CHST8: variants seen among roughly 807,000 people sequenced by gnomAD.
CHST8 encodes GALNAC-4-ST1.
In CHST8, 10 loss-of-function variants were observed where a neutral mutation model predicts 15.0. The observed-to-expected ratio is 0.67, with a 90% CI of 0.41 to 1.13. The LOEUF is 1.13. CHST8 is among the 50% of genes most tolerant of loss of function. The pLI is 0.00. For synonymous variants in CHST8, 259 were observed against 256.6 expected (o/e 1.01, Z -0.09); for missense variants, 634 against 608.2 (o/e 1.04, Z -0.45).
chr19:33,688,231 G>T (rs1342478113), intron 2 of CHST8, among the ~76,000 whole-genome samples: 1 of 152,344 alleles, frequency 6.6e-6, no homozygotes, highest in East Asian at 1.9e-4. Context: ...TGGCCTTGGG[G>T]TGCCCCCATC....
chr19:33,719,958 G>A (rs1208107454), intron 3 of CHST8, among the ~76,000 whole-genome samples: 1 of 152,102 alleles, frequency 6.6e-6, no homozygotes. Flanking sequence ...AAAGGCTTCA[G>A]GCCACACACA....
intron 3 of CHST8, among the ~76,000 whole-genome samples, chr19:33,705,171 G>T (rs1332751144): frequency 6.6e-6 from 1 of 152,054 alleles, no homozygotes; most frequent in Non-Finnish European, 1.5e-5. Context: ...AGAGGAGGTG[G>T]GTCTCCTGGT....
intron 1 of CHST8, among the ~76,000 whole-genome samples, chr19:33,666,754 G>A (rs1401950907): frequency 1.3e-5 from 2 of 152,150 alleles, no homozygotes; most frequent in Non-Finnish European, 2.9e-5. Flanking sequence ...CCAGGCTGGA[G>A]TGCAGTGGTG....
intron 3 of CHST8, among the ~76,000 whole-genome samples, chr19:33,718,651 G>A (rs910038423): frequency 2.6e-5 from 4 of 152,222 alleles, no homozygotes; most frequent in Non-Finnish European, 4.4e-5. Context: ...TCATTCCTTC[G>A]CTGTCATTAT....
intron 2 of CHST8, among the ~76,000 whole-genome samples, chr19:33,671,685 T>C (rs1429552356): frequency 6.6e-6 from 1 of 152,060 alleles, no homozygotes; most frequent in Admixed American, 6.6e-5. Flanking sequence ...TACTCACCTT[T>C]GGCCTCAAGC....
intron 2 of CHST8, among the ~76,000 whole-genome samples, chr19:33,669,426 A>G (rs1972706215): frequency 6.6e-6 from 1 of 152,248 alleles, no homozygotes; most frequent in African/African-American, 2.4e-5. Context: ...AATTCCAGGC[A>G]GTGAAGCCAA....
chr19:33,686,316 G>T (rs1972979553), intron 2 of CHST8, among the ~76,000 whole-genome samples: 1 of 152,180 alleles, frequency 6.6e-6, no homozygotes, highest in Non-Finnish European at 1.5e-5. Flanking sequence ...TGGCTCCCAG[G>T]CACATGGGTG....
At chr19:33,761,143 C>A (rs529928693) in intron 3 of CHST8, among the ~76,000 whole-genome samples, 1 of 152,174 alleles carries the variant, frequency 6.6e-6, no homozygotes, top group Non-Finnish European at 1.5e-5. Context: ...CCACGCAGTT[C>A]GTTCTTTCCC....
intron 3 of CHST8, among the ~76,000 whole-genome samples, chr19:33,759,772 G>A (rs74324067): frequency 0.021 from 3,160 of 152,314 alleles, 52 homozygotes; most frequent in Non-Finnish European, 0.027. Context: ...AGAAGCCAGC[G>A]TCTCCCTCTG....
chr19:33,651,909 A>G (rs1050108560), intron 1 of CHST8, among the ~76,000 whole-genome samples: 6 of 152,148 alleles, frequency 3.9e-5, no homozygotes, highest in Admixed American at 2.0e-4. Flanking sequence ...GTACCTATAT[A>G]CATTCTTTAA....
chr19:33,762,109 C>T (rs1001834116), intron 3 of CHST8, among the ~76,000 whole-genome samples: 26 of 152,212 alleles, frequency 1.7e-4, no homozygotes, highest in African/African-American at 2.4e-4. Flanking sequence ...GCGACATGCA[C>T]ATGTGTAAGG....
At chr19:33,635,609 TG>T (rs995441171) in intron 1 of CHST8, among the ~76,000 whole-genome samples, 3 of 151,700 alleles carry the variant, frequency 2.0e-5, no homozygotes, top group African/African-American at 7.3e-5. Context: ...CAAAGATGGG[TG>T]GGGGGGTGAC....
chr19:33,671,051 C>G (rs1021838647), intron 2 of CHST8, among the ~76,000 whole-genome samples: 2 of 152,052 alleles, frequency 1.3e-5, no homozygotes, highest in Non-Finnish European at 2.9e-5. Context: ...TCCATTGTTC[C>G]GTTTCTATTT....
intron 1 of CHST8, among the ~76,000 whole-genome samples, chr19:33,649,068 T>A (rs1972398120): frequency 1.3e-5 from 2 of 151,928 alleles, no homozygotes; most frequent in Admixed American, 1.3e-4. Context: ...TAAGCCCGGC[T>A]AATTTTTGTA....
chr19:33,765,513 TTGTGTGTGTGTGTGTG>T (rs61673440), intron 3 of CHST8, among the ~76,000 whole-genome samples: 113 of 131,718 alleles, frequency 8.6e-4, no homozygotes, highest in African/African-American at 2.8e-3. Context: ...ATGCCAGTCT[TTGTGTGTGTGTGTGTG>T]TGTGTGTGTG....
intron 3 of CHST8, among the ~76,000 whole-genome samples, chr19:33,701,060 T>C (rs990110959): frequency 6.6e-6 from 1 of 152,100 alleles, no homozygotes; most frequent in Middle Eastern, 3.2e-3. Flanking sequence ...TGAATTCTGC[T>C]GTTTGAGGGT....
rs574260387 is a variant in CHST8 at position 33,733,096 on chromosome 19, G to A, written c.131-38317G>A. Among the ~76,000 whole-genome samples the A allele has an allele frequency of 7.9e-5, 12 of 152,210 alleles. 1 individual carries two copies. The South Asian group carries it at 2.5e-3, about 32-fold the overall frequency. ...AAGTGGTTGGTCTTTCTGGTGACCAGCTCCTATACTGAAGCTCTCTAGGAG... is the reference window on the plus strand; with the variant it reads ...AAGTGGTTGGTCTTTCTGGTGACCAACTCCTATACTGAAGCTCTCTAGGAG... On this transcript the variant is annotated intron_variant, in intron 3 of 4. Transcript: ENST00000650847.
At chr19:33,677,683 A>T (rs1328427965) in intron 2 of CHST8, among the ~76,000 whole-genome samples, 1 of 152,192 alleles carries the variant, frequency 6.6e-6, no homozygotes, top group Non-Finnish European at 1.5e-5. Flanking sequence ...TAGCATGAGG[A>T]TGCCCCAAAT....
chr19:33,648,481 A>T (rs143344602), intron 1 of CHST8, among the ~76,000 whole-genome samples: 46 of 152,280 alleles, frequency 3.0e-4, no homozygotes, highest in Non-Finnish European at 4.9e-4. Context: ...ATTGAATCCT[A>T]CAATGCGTGG....
Sources: gnomAD v4.1 joint callset for allele counts (sites outside exome capture counted in the v4.1 genomes callset) on GRCh38, gnomAD v4.1.1 for gene constraint, MANE v1.5 for transcripts, NCBI Gene and HGNC (gene_info 2026-07-23, HGNC 2026-07-21) for gene names.